Variants in HAPLN3 observed in about 807,000 individuals in gnomAD.
The protein encoded by HAPLN3 is extracellular link domain containing, 1.
A neutral mutation model predicts 28.1 loss-of-function variants in HAPLN3; 28 were observed. The observed-to-expected ratio is 1.00, with a 90% CI of 0.74 to 1.37. The LOEUF (loss-of-function observed/expected upper bound fraction) is 1.37, where lower values mean the gene tolerates loss of function less well. Among genes scored for constraint, HAPLN3 ranks in the 40% most tolerant of loss-of-function variants. The pLI is 0.00. For synonymous variants in HAPLN3, 211 were observed against 213.1 expected (o/e 0.99, Z 0.09); for missense variants, 513 against 504.6 (o/e 1.02, Z -0.16).
intron 2 of HAPLN3, among the ~76,000 whole-genome samples, chr15:88,885,968 G>T (rs1567203716): frequency 3.9e-5 from 6 of 152,152 alleles, no homozygotes. Context: ...CTATGAGAAG[G>T]GATGATAATA....
intron 2 of HAPLN3, 49 bp downstream of exon 2, chr15:88,887,126 G>T (rs376506007): frequency 9.4e-6 from 15 of 1,602,428 alleles, no homozygotes; most frequent in Non-Finnish European, 1.3e-5. Flanking sequence ...AGCCAAGGAG[G>T]TCTAGGTCAC....
Position 88,877,973 on chromosome 15 carries a change from G to C in HAPLN3, c.1080C>G (p.His360Gln). 2 of 1,597,484 alleles carry C rather than the reference G, an allele frequency of 1.3e-6. No individual in the cohort carries two copies. The highest frequency in any genetic ancestry group is 2.2e-5 in the East Asian group (1 of 44,642). Residue 360 changes from histidine to glutamine, a missense_variant, in exon 5 of 5, where the codon CAC becomes CAG. Physicochemically the swap from His to Gln is conservative, Grantham distance 24. Transcript: ENST00000359595. This position sits in a 1 kb window ranked among gnomAD's most constrained non-coding sequence, Gnocchi z 5.1. ...RLYGVYCYRQH is the reference protein window; with the variant it reads ...RLYGVYCYRQQ ...CGGCAGGGGAGGGCCCCAGGTCCTA[G>C]TGCTGGCGGTAGCAGTAAACACCGT... is the stretch of plus-strand genomic sequence containing the variant.
Position 88,878,145 on chromosome 15 carries a change from C to T in HAPLN3, c.908G>A (p.Trp303Ter), listed in dbSNP as rs748444920. 3 of 1,614,064 alleles carry T rather than the reference C, an allele frequency of 1.9e-6. No homozygotes were observed. In the African/African-American group the frequency reaches 4.0e-5, roughly 22 times the overall value. ...IAKVGQLFAAWKFHGLDRCDA... is the reference protein window; with the variant it reads ...IAKVGQLFAA ...GCAGCGGTCCAGGCCATGGAACTTC[C>T]AGGCGGCAAAGAGCTGTCCCACCTT... Residue 303 changes from tryptophan (W) to a stop codon, truncating the protein, a stop_gained, in exon 5 of 5, where the codon TGG (tryptophan) becomes TAG (stop). Coordinates refer to ENST00000359595, the MANE Select transcript of HAPLN3 (RefSeq NM_178232.4). LOFTEE classifies it low-confidence loss of function (END_TRUNC).
chr15:88,884,072 C>CAA (rs529486163), intron 2 of HAPLN3, among the ~76,000 whole-genome samples: 1 of 100,528 alleles, frequency 9.9e-6, no homozygotes. Flanking sequence ...GACCCTGTCT[C>CAA]AAAAAAAAAA....
intron 1 of HAPLN3, among the ~76,000 whole-genome samples, chr15:88,894,506 C>G (rs1216298074): frequency 2.0e-5 from 3 of 152,230 alleles, no homozygotes; most frequent in Admixed American, 6.5e-5. Flanking sequence ...AATTTGACAT[C>G]CCTGTCCCTG....
chr15:88,887,467 G>T, intron 1 of HAPLN3, 122 bp from the exon 2 acceptor site: 1 of 828,646 alleles, frequency 1.2e-6, no homozygotes, highest in Non-Finnish European at 1.9e-6. Flanking sequence ...TGCCGCCTAC[G>T]TGCCAGACGC....
At position 88,888,831 on chromosome 15, in the gene HAPLN3, A is replaced by C. The variant is rs1266385320; in HGVS notation, c.-47-1486T>G. 1.3e-5 allele frequency among the ~76,000 whole-genome samples: 2 copies of C among 152,230 alleles called. No individual in the cohort carries two copies. Among genetic ancestry groups the C allele is most frequent in the Non-Finnish European group, 2.9e-5 (2 of 68,042 alleles). On this transcript the variant is annotated intron_variant, in intron 1 of 4. Coordinates refer to ENST00000359595, the MANE Select transcript of HAPLN3 (RefSeq NM_178232.4). This position sits in a 1 kb window ranked among gnomAD's most constrained non-coding sequence, Gnocchi z 4.1. ...TGGAGAAGGACTGACAGGTTTATCC[A>C]GTAGGGCACTGCCACTACAAAGGTG...
At position 88,879,006 on chromosome 15, in the gene HAPLN3, G is replaced by T. The variant is rs959234351; in HGVS notation, c.757C>A (p.His253Asn). The T allele has an allele frequency of 6.2e-7, 1 of 1,610,384 alleles. No homozygotes were observed. Among genetic ancestry groups the T allele is most frequent in the Admixed American group, 1.7e-5 (1 of 59,666 alleles). The change falls in exon 4 of 5, where the codon CAC (histidine) becomes AAC (asparagine). Residue 253 changes from histidine (H) to asparagine (N), a missense_variant. By Grantham distance (68) the His-to-Asn change is moderately conservative. Coordinates refer to ENST00000359595, the MANE Select transcript of HAPLN3 (RefSeq NM_178232.4). This position sits in a 1 kb window ranked among gnomAD's most constrained non-coding sequence, Gnocchi z 5.0. ...RSYGPRHRRL[H>N]RYDVFCFATA... ...GCGAAGCAGAATACATCATAGCGGT[G>T]CAGGCGGCGGTGGCGGGGGCCGTAG...
rs149540064 is a variant in HAPLN3, at chr15:88,881,381, C to T, written c.469G>A (p.Gly157Ser). 1.9e-3 allele frequency: 3,028 copies of T among 1,613,072 alleles called. 3 individuals carry two copies. The highest frequency in any genetic ancestry group is 2.4e-3 in the Non-Finnish European group (2,773 of 1,179,606). The change falls in exon 3 of 5, where the codon GGT (glycine) becomes AGT (serine). Residue 157 changes from glycine (G) to serine (S), a missense_variant. Transcript: ENST00000359595. This position sits in a 1 kb window ranked among gnomAD's most constrained non-coding sequence, Gnocchi z 6.0. The part of the protein sequence containing the change: ...EVIDGLEDES[G>S]LVELELRGVV... ...CCCCGCAGCTCCAGCTCCACCAGACCGCTTTCATCCTCCAGCCCGTCAATG... is the reference window on the plus strand; with the variant it reads ...CCCCGCAGCTCCAGCTCCACCAGACTGCTTTCATCCTCCAGCCCGTCAATG...
At chr15:88,893,915 T>G in intron 1 of HAPLN3, among the ~76,000 whole-genome samples, 4 of 118,148 alleles carry the variant, frequency 3.4e-5, no homozygotes, top group Admixed American at 1.0e-4. Context: ...GCAAGAAGAG[T>G]GAGACTCCAT....
intron 1 of HAPLN3, among the ~76,000 whole-genome samples, chr15:88,892,468 A>G (rs529490784): frequency 1.2e-3 from 177 of 152,020 alleles, no homozygotes; most frequent in Non-Finnish European, 2.1e-3. Flanking sequence ...AAAAAAAAAG[A>G]AAAGAAAAAC....
intron 2 of HAPLN3, among the ~76,000 whole-genome samples, 187 bp downstream of exon 2, chr15:88,886,988 G>A (rs531253066): frequency 1.3e-5 from 2 of 152,276 alleles, no homozygotes; most frequent in Non-Finnish European, 2.9e-5. Flanking sequence ...TGACGAAGGG[G>A]CTGGCGAACA....
At position 88,877,863 on chromosome 15, in the gene HAPLN3, T is replaced by G; in HGVS notation, c.*107A>C. 9.0e-7 allele frequency: 1 copy of G among 1,115,810 alleles called. No individual in the cohort carries two copies. Among genetic ancestry groups the G allele is most frequent in the Middle Eastern group, 2.7e-4 (1 of 3,768 alleles). The allele number at this position is 1,115,810 out of a possible 1,614,324, so 69.1% of individuals were successfully genotyped here. A position where few individuals can be genotyped will look rare whatever the true frequency, so the allele number is the denominator to read the frequency against. Reference sequence around the variant, plus strand: ...AAAAAATGTTTAAAGAAAATTTAAATTGAGAAGTATAAAAACAGTTAAAAT... The same window carrying G: ...AAAAAATGTTTAAAGAAAATTTAAAGTGAGAAGTATAAAAACAGTTAAAAT... On this transcript the variant is annotated 3_prime_UTR_variant, in exon 5 of 5. Transcript: ENST00000359595. The surrounding 1 kb of genome is among the most constrained non-coding windows in gnomAD (Gnocchi z 5.1).
Position 88,880,400 on chromosome 15 carries a change from C to T in HAPLN3, c.493+957G>A. 1.7e-6 allele frequency: 2 copies of T among 1,163,058 alleles called. No individual in the cohort carries two copies. Among genetic ancestry groups the T allele is most frequent in the Non-Finnish European group, 2.2e-6 (2 of 926,554 alleles). 72.0% of individuals were successfully genotyped at this position (1,163,058 alleles called of 1,614,324 possible). ...ACAGAGAACGCATTTTAAGGACATA[C>T]ATCTTATCCTCATTGCCTCTGAGGG... On this transcript the variant is annotated intron_variant, in intron 3 of 4. Transcript: ENST00000359595. The surrounding 1 kb of genome is among the most constrained non-coding windows in gnomAD (Gnocchi z 6.0).
rs1440250001 is a variant in HAPLN3, at chr15:88,877,963, C to T, written c.*7G>A. ...TGAGGGAATGCGGCAGGGGAGGGCC[C>T]CAGGTCCTAGTGCTGGCGGTAGCAG... is the stretch of plus-strand genomic sequence containing the variant. On this transcript the variant is annotated 3_prime_UTR_variant, in exon 5 of 5. Coordinates refer to ENST00000359595, the MANE Select transcript of HAPLN3 (RefSeq NM_178232.4). This position sits in a 1 kb window ranked among gnomAD's most constrained non-coding sequence, Gnocchi z 5.1. The T allele has an allele frequency of 6.3e-7, 1 of 1,585,962 alleles. No individual in the cohort carries two copies. Among genetic ancestry groups the T allele is most frequent in the Non-Finnish European group, 8.6e-7 (1 of 1,164,340 alleles).
At chr15:88,889,215 TG>T (rs1897945459) in intron 1 of HAPLN3, among the ~76,000 whole-genome samples, 1 of 152,158 alleles carries the variant, frequency 6.6e-6, no homozygotes, top group Non-Finnish European at 1.5e-5. Flanking sequence ...GTCTCTTTAT[TG>T]GAATCATCTG....
At position 88,878,102 on chromosome 15, in the gene HAPLN3, T is replaced by C. The variant is rs1897582751; in HGVS notation, c.951A>G (p.Ala317=). 6.2e-7 allele frequency: 1 copy of C among 1,613,952 alleles called. No individual in the cohort carries two copies. The highest frequency in any genetic ancestry group is 1.3e-5 in the African/African-American group (1 of 74,932). ...GLDRCDAGWL[A]DGSVRYPVVH... ...CCACAGGGTAGCGGACGCTACCATC[T>C]GCCAGCCAGCCAGCGTCGCAGCGGT... is the stretch of plus-strand genomic sequence containing the variant. Residue 317 remains alanine (A), a synonymous_variant, in exon 5 of 5, where the codon GCA becomes GCG. Transcript: ENST00000359595.
chr15:88,880,448 A>T lies in HAPLN3; in HGVS notation c.493+909T>A. The T allele has an allele frequency of 8.3e-7, 1 of 1,209,210 alleles. No homozygotes were observed. Among genetic ancestry groups the T allele is most frequent in the Non-Finnish European group, 1.1e-6 (1 of 947,102 alleles). 74.9% of individuals were successfully genotyped at this position (1,209,210 alleles called of 1,614,324 possible). On this transcript the variant is annotated intron_variant, in intron 3 of 4. Transcript: ENST00000359595. This position sits in a 1 kb window ranked among gnomAD's most constrained non-coding sequence, Gnocchi z 6.0. ...GGGAGGTAAAGGAGGAAAGATTGTG[A>T]TACCCCATTTTACACCTGAGAGGCC...
In HAPLN3 at chr15:88,878,237, C is replaced by T. The variant is rs886124247; in HGVS notation, c.816G>A (p.Glu272=). 32 of 1,613,220 alleles carry T rather than the reference C, an allele frequency of 2.0e-5. No homozygotes were observed. Among genetic ancestry groups the T allele is most frequent in the Non-Finnish European group, 2.7e-5 (32 of 1,179,582 alleles). ...CTGTCAGCGTCAGCTTCTCAGGGTG[C>T]TCCAGGTAGTACACCCGCCCTGGGG... ...TALKGRVYYL[E]HPEKLTLTEA... The change falls in exon 5 of 5, where the codon GAG becomes GAA. Residue 272 remains glutamate (E), a synonymous_variant. Transcript: ENST00000359595.
Sources: gnomAD v4.1 joint callset for allele counts (sites outside exome capture counted in the v4.1 genomes callset) on GRCh38, gnomAD v4.1.1 for gene constraint, Gnocchi (gnomAD v3.1) non-coding constraint, MANE v1.5 for transcripts, NCBI Gene and HGNC (gene_info 2026-07-23, HGNC 2026-07-21) for gene names.